The following GNG12 variants were observed in gnomAD, a reference collection of about 807,000 sequenced individuals.
GNG12 encodes the protein G protein subunit gamma 12.
For missense variants in GNG12, 69 were observed against 83.8 expected, an observed-to-expected ratio of 0.82 and a Z score of 0.69; for synonymous variants, 28 against 29.7, an observed-to-expected ratio of 0.94 and a Z score of 0.19.
chr1:67,739,024 C>A (rs1431343755), intron 2 of GNG12, among the ~76,000 whole-genome samples: 1 of 152,058 alleles, frequency 6.6e-6, no homozygotes, highest in Non-Finnish European at 1.5e-5. Context: ...ACTAAAAATA[C>A]AAAAATTAGC....
intron 1 of GNG12, among the ~76,000 whole-genome samples, chr1:67,813,948 T>A (rs950168353): frequency 6.6e-6 from 1 of 152,058 alleles, no homozygotes; most frequent in Non-Finnish European, 1.5e-5. Flanking sequence ...TATACACACA[T>A]ATATATGTAA....
rs907501894 is a variant in GNG12 at position 67,833,335 on chromosome 1, G to A, written c.-77+9C>T. 71 of 966,094 alleles carry A rather than the reference G, an allele frequency of 7.3e-5. No individual in the cohort carries two copies. The highest frequency in any genetic ancestry group is 8.6e-5 in the Non-Finnish European group (70 of 812,214). 59.8% of individuals were successfully genotyped at this position (966,094 alleles called of 1,614,324 possible). On this transcript the variant is annotated intron_variant, in intron 1 of 3. Coordinates refer to ENST00000370982, the MANE Select transcript of GNG12 (RefSeq NM_018841.6). ...GACTCACCACCCGCGCCCGCCGCTT[G>A]GTACTCACCCGCCTGCCGGTGCGCT...
chr1:67,709,307 T>C (rs1435073234), intron 2 of GNG12, among the ~76,000 whole-genome samples: 3 of 152,156 alleles, frequency 2.0e-5, no homozygotes, highest in Non-Finnish European at 2.9e-5. Flanking sequence ...GTTCCCTGTT[T>C]ACCTGTTTGT....
At chr1:67,798,820 G>A (rs1266938415) in intron 1 of GNG12, among the ~76,000 whole-genome samples, 3 of 152,050 alleles carry the variant, frequency 2.0e-5, no homozygotes, top group Non-Finnish European at 4.4e-5. Context: ...TGGGTGTGGT[G>A]GCACAAGCCT....
At chr1:67,724,357 CA>C (rs910786297) in intron 2 of GNG12, among the ~76,000 whole-genome samples, 53 of 152,216 alleles carry the variant, frequency 3.5e-4, no homozygotes, top group East Asian at 3.9e-4. Context: ...TTATATTGAA[CA>C]AAAAAGCCAG....
rs1359631462 is a variant in GNG12, at chr1:67,730,557, G to C, written c.-26-22845C>G. ...AAAAAAAGGAGTACATACCATATAA[G>C]TCTATTTACATTAGGTACTAAAAAC... On this transcript the variant is annotated intron_variant, in intron 2 of 3. Coordinates refer to ENST00000370982, the MANE Select transcript of GNG12 (RefSeq NM_018841.6). 2.7e-5 allele frequency among the ~76,000 whole-genome samples: 4 copies of C among 150,930 alleles called. No individual in the cohort carries two copies. The East Asian group carries it at 7.8e-4, about 30-fold the overall frequency.
chr1:67,790,305 T>C (rs137964323), intron 1 of GNG12, among the ~76,000 whole-genome samples: 1 of 152,304 alleles, frequency 6.6e-6, no homozygotes, highest in East Asian at 1.9e-4. Context: ...CCATTTTACA[T>C]ACATTTTTAC....
intron 2 of GNG12, among the ~76,000 whole-genome samples, chr1:67,710,114 TTA>T (rs1177283416): frequency 9.0e-4 from 11 of 12,268 alleles, no homozygotes; most frequent in African/African-American, 2.7e-3. Flanking sequence ...ATATATATAG[TTA>T]TATATATAGT....
intron 1 of GNG12, among the ~76,000 whole-genome samples, chr1:67,794,321 C>T (rs964319528): frequency 6.6e-6 from 1 of 152,104 alleles, no homozygotes; most frequent in Non-Finnish European, 1.5e-5. Flanking sequence ...TTGCCCTGCT[C>T]ACTCCAATGA....
chr1:67,744,307 G>T (rs1212567348), intron 2 of GNG12, among the ~76,000 whole-genome samples: 1 of 152,106 alleles, frequency 6.6e-6, no homozygotes, highest in Non-Finnish European at 1.5e-5. Context: ...TTCCCCGGGT[G>T]CCTACTAAGC....
intron 2 of GNG12, among the ~76,000 whole-genome samples, chr1:67,743,430 C>T (rs956696814): frequency 4.6e-5 from 7 of 152,180 alleles, no homozygotes; most frequent in Non-Finnish European, 1.0e-4. Flanking sequence ...ATAAATGTCT[C>T]CATACAGCAA....
chr1:67,752,396 A>C (rs1646544195), intron 2 of GNG12, among the ~76,000 whole-genome samples: 2 of 152,192 alleles, frequency 1.3e-5, no homozygotes, highest in Admixed American at 1.3e-4. Flanking sequence ...TACTTTGTTT[A>C]CTTTGTCTCT....
chr1:67,823,556 A>G (rs2492876), intron 1 of GNG12, among the ~76,000 whole-genome samples: 2,707 of 152,310 alleles, frequency 0.018, 95 homozygotes, highest in African/African-American at 0.062. Context: ...ACATTCTAGA[A>G]AAGATGTAAG....
chr1:67,714,622 C>T lies in GNG12; in HGVS notation c.-26-6910G>A, dbSNP rs75685046. The stretch of plus-strand genomic sequence containing the variant: ...CATTCCTCAATGGACTGGAGCCAGG[C>T]AGCAGTTCTACCCTCCTCCTAGCAT... On this transcript the variant is annotated intron_variant, in intron 2 of 3. Transcript: ENST00000370982. Among the ~76,000 whole-genome samples the T allele has an allele frequency of 8.0e-4, 122 of 152,292 alleles. 2 individuals carry two copies. Among genetic ancestry groups the T allele is most frequent in the African/African-American group, 2.6e-3 (109 of 41,568 alleles).
chr1:67,727,557 G>T (rs905624233), intron 2 of GNG12, among the ~76,000 whole-genome samples: 2 of 152,200 alleles, frequency 1.3e-5, no homozygotes, highest in African/African-American at 4.8e-5. Flanking sequence ...CTGGATGCAT[G>T]TGCCTTCATG....
At chr1:67,745,711 G>GT (rs1260875123) in intron 2 of GNG12, among the ~76,000 whole-genome samples, 1 of 152,154 alleles carries the variant, frequency 6.6e-6, no homozygotes, top group Non-Finnish European at 1.5e-5. Context: ...TGGATACTTA[G>GT]TAAGTATTTG....
At chr1:67,716,705 G>T (rs1364062348) in intron 2 of GNG12, among the ~76,000 whole-genome samples, 2 of 152,194 alleles carry the variant, frequency 1.3e-5, no homozygotes, top group Non-Finnish European at 2.9e-5. Context: ...TCAGCCAGAA[G>T]CACTGAATAC....
At chr1:67,810,987 G>A (rs1646921959) in intron 1 of GNG12, among the ~76,000 whole-genome samples, 1 of 152,094 alleles carries the variant, frequency 6.6e-6, no homozygotes, top group South Asian at 2.1e-4. Flanking sequence ...CCCCTGGACC[G>A]GCAGCATCAG....
intron 1 of GNG12, among the ~76,000 whole-genome samples, chr1:67,829,402 A>C (rs1484369903): frequency 1.3e-5 from 2 of 152,214 alleles, no homozygotes; most frequent in African/African-American, 4.8e-5. Context: ...ATGATTGTCT[A>C]ATTCTCTTAC....
Sources: gnomAD v4.1 joint callset for allele counts (sites outside exome capture counted in the v4.1 genomes callset) on GRCh38, gnomAD v4.1.1 for gene constraint, MANE v1.5 for transcripts, NCBI Gene and HGNC (gene_info 2026-07-23, HGNC 2026-07-21) for gene names.